Variants in LRMDA observed in about 807,000 individuals in gnomAD.
The protein encoded by LRMDA is leucine rich melanocyte differentiation associated, also known as leucine-rich melanocyte differentiation-associated protein.
Under a neutral mutation model 29.8 loss-of-function variants are expected in LRMDA, and 18 were observed. That is an observed-to-expected ratio of 0.60 (90% CI 0.42 to 0.90). The LOEUF is 0.90. LRMDA is among the 40% of genes least tolerant of loss of function. The pLI, the probability that LRMDA is intolerant of heterozygous loss-of-function variation, is 0.00. For synonymous variants in LRMDA, 125 were observed against 109.4 expected, an observed-to-expected ratio of 1.14 and a Z score of -0.89; for missense variants, 273 against 273.9, an observed-to-expected ratio of 1.00 and a Z score of 0.02.
At chr10:75,558,417 C>T (rs551741929) in intron 2 of LRMDA, among the ~76,000 whole-genome samples, 22 of 152,064 alleles carry the variant, frequency 1.4e-4, no homozygotes, top group Non-Finnish European at 2.9e-4. Context: ...GACTTGAATC[C>T]TATATAAGGG....
intron 2 of LRMDA, among the ~76,000 whole-genome samples, chr10:75,714,099 C>T (rs774825537): frequency 6.6e-6 from 1 of 152,064 alleles, no homozygotes; most frequent in Non-Finnish European, 1.5e-5. Flanking sequence ...CCTAGAAGGC[C>T]CCCAGAATGC....
At chr10:75,779,182 C>T (rs959236997) in intron 2 of LRMDA, among the ~76,000 whole-genome samples, 1 of 152,152 alleles carries the variant, frequency 6.6e-6, no homozygotes, top group Non-Finnish European at 1.5e-5. Context: ...CTTTTCACTT[C>T]TGTAAGAAAG....
chr10:75,601,564 A>G (rs1044484841), intron 2 of LRMDA, among the ~76,000 whole-genome samples: 2 of 152,146 alleles, frequency 1.3e-5, no homozygotes, highest in Non-Finnish European at 2.9e-5. Flanking sequence ...CAAAGGTGCA[A>G]ATAAGGGAAT....
intron 6 of LRMDA, among the ~76,000 whole-genome samples, chr10:76,333,986 T>C (rs1398710606): frequency 6.6e-6 from 1 of 152,186 alleles, no homozygotes; most frequent in East Asian, 1.9e-4. Flanking sequence ...CCACCATTCA[T>C]GCATGAACTC....
chr10:76,354,078 A>G (rs542397552), intron 6 of LRMDA, among the ~76,000 whole-genome samples: 7 of 152,282 alleles, frequency 4.6e-5, no homozygotes, highest in Non-Finnish European at 7.4e-5. Context: ...CAACATCCCA[A>G]TGCAAATTAA....
At chr10:75,810,051 G>C (rs1167122970) in intron 2 of LRMDA, among the ~76,000 whole-genome samples, 1 of 152,140 alleles carries the variant, frequency 6.6e-6, no homozygotes, top group African/African-American at 2.4e-5. Flanking sequence ...TGAGATGTGA[G>C]GGGAGAAGAG....
At chr10:75,446,704 C>T (rs1352691384) in intron 2 of LRMDA, among the ~76,000 whole-genome samples, 3 of 152,210 alleles carry the variant, frequency 2.0e-5, no homozygotes, top group African/African-American at 4.8e-5. Context: ...ATAACCTAGC[C>T]TATCCTAACT....
intron 2 of LRMDA, among the ~76,000 whole-genome samples, chr10:75,754,262 G>A (rs907462244): frequency 6.6e-6 from 1 of 152,166 alleles, no homozygotes; most frequent in Non-Finnish European, 1.5e-5. Context: ...CAGGGCAGAT[G>A]GTGCTATTAA....
intron 5 of LRMDA, among the ~76,000 whole-genome samples, chr10:76,127,104 T>C (rs1337875816): frequency 6.6e-6 from 1 of 152,184 alleles, no homozygotes; most frequent in African/African-American, 2.4e-5. Flanking sequence ...GCTGACATTG[T>C]TGAGGGGACA....
chr10:75,673,484 C>A (rs1281885266), intron 2 of LRMDA, among the ~76,000 whole-genome samples: 2 of 152,176 alleles, frequency 1.3e-5, no homozygotes, highest in African/African-American at 4.8e-5. Flanking sequence ...GAAGCCCTTG[C>A]TCAGTGCCTC....
intron 6 of LRMDA, among the ~76,000 whole-genome samples, chr10:76,389,957 A>G (rs772302690): frequency 4.6e-5 from 7 of 152,154 alleles, no homozygotes; most frequent in Non-Finnish European, 8.8e-5. Context: ...CTTAAGACCT[A>G]TAGATAAATC....
At chr10:75,766,762 T>C (rs982431871) in intron 2 of LRMDA, among the ~76,000 whole-genome samples, 3 of 152,122 alleles carry the variant, frequency 2.0e-5, no homozygotes, top group Non-Finnish European at 2.9e-5. Context: ...CCCGCATGCA[T>C]TAGGTATTTG....
Position 75,856,190 on chromosome 10 carries a change from C to T in LRMDA, c.132-179818C>T, listed in dbSNP as rs1261289804. 2.0e-5 allele frequency among the ~76,000 whole-genome samples: 3 copies of T among 152,210 alleles called. No individual in the cohort carries two copies. In the South Asian group the frequency reaches 6.2e-4, roughly 32 times the overall value. On this transcript the variant is annotated intron_variant, in intron 2 of 6. Coordinates refer to ENST00000611255, the MANE Select transcript of LRMDA (RefSeq NM_001305581.2). ...ATTTTCATGATATTGATTCTTCCTA[C>T]CCATGAGCATGGAATGTTCTTCCAT... is the stretch of plus-strand genomic sequence containing the variant.
At chr10:75,819,696 G>A (rs1041227446) in intron 2 of LRMDA, among the ~76,000 whole-genome samples, 7 of 152,130 alleles carry the variant, frequency 4.6e-5, no homozygotes, top group African/African-American at 1.7e-4. Flanking sequence ...ACTTGGGATA[G>A]GTCTCTGGAG....
At chr10:75,784,578 A>G (rs1468221292) in intron 2 of LRMDA, among the ~76,000 whole-genome samples, 1 of 152,092 alleles carries the variant, frequency 6.6e-6, no homozygotes, top group Non-Finnish European at 1.5e-5. Context: ...GGGTGCCTGT[A>G]GTCCCAGCTA....
chr10:75,716,872 C>A (rs979879755), intron 2 of LRMDA, among the ~76,000 whole-genome samples: 1 of 152,090 alleles, frequency 6.6e-6, no homozygotes, highest in Non-Finnish European at 1.5e-5. Context: ...GATGGGGCAG[C>A]GAAAAGTATG....
intron 2 of LRMDA, among the ~76,000 whole-genome samples, chr10:75,943,176 A>T (rs1382313457): frequency 6.6e-6 from 1 of 152,058 alleles, no homozygotes; most frequent in African/African-American, 2.4e-5. Context: ...AAAAAAAAAA[A>T]AAAAGGACTA....
chr10:75,509,516 A>G (rs1034721807), intron 2 of LRMDA, among the ~76,000 whole-genome samples: 2 of 152,184 alleles, frequency 1.3e-5, no homozygotes, highest in African/African-American at 4.8e-5. Flanking sequence ...TGATGCCAGA[A>G]GGGTGTCTCT....
At chr10:75,695,934 A>T (rs1842228498) in intron 2 of LRMDA, among the ~76,000 whole-genome samples, 2 of 152,168 alleles carry the variant, frequency 1.3e-5, no homozygotes, top group South Asian at 4.1e-4. Context: ...TGGTGGAATA[A>T]TGGACATATA....
Sources: gnomAD v4.1 joint callset for allele counts (sites outside exome capture counted in the v4.1 genomes callset) on GRCh38, gnomAD v4.1.1 for gene constraint, MANE v1.5 for transcripts, NCBI Gene and HGNC (gene_info 2026-07-23, HGNC 2026-07-21) for gene names.